The following SYNE2 variants were observed in gnomAD, a reference collection of about 807,000 sequenced individuals.
SYNE2 encodes nesprin-2.
A neutral mutation model predicts 856.3 loss-of-function variants in SYNE2; 431 were observed. The ratio of observed to expected loss-of-function variants is 0.50; its 90% CI spans 0.47 to 0.55. The LOEUF (loss-of-function observed/expected upper bound fraction) is 0.55. Ranked by LOEUF, SYNE2 falls within the 20% of genes least tolerant of loss-of-function variation. The pLI, the probability that SYNE2 is intolerant of heterozygous loss-of-function variation, is 0.00. For synonymous variants in SYNE2, 2,923 were observed against 2,872.3 expected (o/e 1.02, Z -0.56); for missense variants, 8,129 against 8,023.2 (o/e 1.01, Z -0.50).
At chr14:64,172,972 C>T (rs1156319527) in intron 94 of SYNE2, among the ~76,000 whole-genome samples, 1 of 151,782 alleles carries the variant, frequency 6.6e-6, no homozygotes. Context: ...TTTCAGTGAT[C>T]GCTGGAGGCA....
chr14:64,009,221 T>A (rs2096824204), intron 31 of SYNE2, among the ~76,000 whole-genome samples: 2 of 151,926 alleles, frequency 1.3e-5, no homozygotes, highest in East Asian at 3.9e-4. Context: ...AAAGACTAAA[T>A]CCAGAATGAA....
At chr14:64,174,856 A>G in intron 94 of SYNE2, 88 bp from the exon 95 acceptor site, 1 of 1,245,334 alleles carries the variant, frequency 8.0e-7, no homozygotes, top group Non-Finnish European at 1.2e-6. Context: ...TCTTAAGAAA[A>G]GCTCTGAAGG....
At chr14:63,784,566 C>A (rs1030360958) in intron 1 of SYNE2, among the ~76,000 whole-genome samples, 1 of 152,006 alleles carries the variant, frequency 6.6e-6, no homozygotes, top group African/African-American at 2.4e-5. Context: ...CTCTATGTTG[C>A]GCAGACTGGT....
rs1316312889 is a variant in SYNE2, at chr14:64,098,675, G to T, written c.12307-72G>T. ...AGTAAAAAATTAGCTACATAAAAAT[G>T]CAGCTGGACTGGGATCTTGGTGATG... is the stretch of plus-strand genomic sequence containing the variant. On this transcript the variant is annotated intron_variant, in intron 62 of 115. Coordinates refer to ENST00000555002, the MANE Select transcript of SYNE2 (RefSeq NM_182914.3). 2.0e-6 allele frequency: 3 copies of T among 1,510,724 alleles called. No homozygotes were observed. The Admixed American group carries it at 5.3e-5, about 27-fold the overall frequency. 93.6% of individuals were successfully genotyped at this position (1,510,724 alleles called of 1,614,324 possible).
chr14:64,006,962 T>C, intron 30 of SYNE2, 81 bp from the exon 31 acceptor site: 1 of 1,107,074 alleles, frequency 9.0e-7, no homozygotes, highest in Admixed American at 1.7e-5. Flanking sequence ...AAAGTTAGTG[T>C]GCCTCCCCAA....
Position 64,226,188 on chromosome 14 carries a change from T to TAAACTTCGATTTTTTTTA in SYNE2, c.*665_*666insCTTCGATTTTTTTTAAAA, listed in dbSNP as rs2098717521. The TAAACTTCGATTTTTTTTA allele has an allele frequency of 6.6e-6, 1 of 152,568 alleles. No individual in the cohort carries two copies. The highest frequency in any genetic ancestry group is 1.5e-5 in the Non-Finnish European group (1 of 68,102). 9.5% of individuals were successfully genotyped at this position (152,568 alleles called of 1,614,324 possible). A position where few individuals can be genotyped will look rare whatever the true frequency, so the allele number is the denominator to read the frequency against. On this transcript the variant is annotated 3_prime_UTR_variant, in exon 116 of 116. Coordinates refer to ENST00000555002, the MANE Select transcript of SYNE2 (RefSeq NM_182914.3). ...AATAATGTAAACTTCGATTTTTTTT[T>TAAACTTCGATTTTTTTTA]AAAAAAATTAGATTTTAGCTGGAGC...
chr14:64,148,197 C>T (rs1385445302), intron 84 of SYNE2, among the ~76,000 whole-genome samples: 1 of 152,056 alleles, frequency 6.6e-6, no homozygotes. Flanking sequence ...TGCCTGTAGT[C>T]CCAGCTACTC....
intron 1 of SYNE2, among the ~76,000 whole-genome samples, chr14:63,903,403 TC>T (rs1158947511): frequency 6.6e-6 from 1 of 152,230 alleles, no homozygotes; most frequent in Non-Finnish European, 1.5e-5. Context: ...AACAGAAACT[TC>T]TTAGACATCC....
chr14:63,926,409 G>A (rs1202175333), intron 2 of SYNE2, among the ~76,000 whole-genome samples: 1 of 152,114 alleles, frequency 6.6e-6, no homozygotes, highest in Non-Finnish European at 1.5e-5. Context: ...TAGACTAAAC[G>A]TAGTCTATGC....
intron 102 of SYNE2, 172 bp downstream of exon 102, chr14:64,209,750 G>A (rs2140149018): frequency 3.5e-6 from 4 of 1,143,736 alleles, no homozygotes; most frequent in Non-Finnish European, 5.1e-6. Flanking sequence ...CATTGCTGAT[G>A]TACTCCAGCT....
At chr14:63,805,995 T>C (rs1322789948) in intron 1 of SYNE2, among the ~76,000 whole-genome samples, 1 of 152,206 alleles carries the variant, frequency 6.6e-6, no homozygotes, top group African/African-American at 2.4e-5. Context: ...CTAATGGCTC[T>C]GTCTAGGACT....
At chr14:64,199,695 G>A (rs1287777527) in intron 99 of SYNE2, among the ~76,000 whole-genome samples, 3 of 144,904 alleles carry the variant, frequency 2.1e-5, no homozygotes, top group African/African-American at 5.2e-5. Flanking sequence ...TCCAGCGTAG[G>A]CGATAGAGAC....
chr14:63,990,229 A>C (rs1177147249), intron 19 of SYNE2, among the ~76,000 whole-genome samples, 182 bp from the exon 20 acceptor site: 1 of 152,236 alleles, frequency 6.6e-6, no homozygotes, highest in Non-Finnish European at 1.5e-5. Context: ...AAACATGTTC[A>C]GAATCTGATT....
chr14:64,031,016 G>T lies in SYNE2; in HGVS notation c.6880G>T (p.Glu2294Ter). 1 of 1,611,120 alleles carries T rather than the reference G, an allele frequency of 6.2e-7. No individual in the cohort carries two copies. Among genetic ancestry groups the T allele is most frequent in the South Asian group, 1.1e-5 (1 of 90,848 alleles). The change falls in exon 45 of 116, where the codon GAA (glutamate) becomes TAA (stop). Residue 2294 changes from glutamate to a stop codon, truncating the protein, a stop_gained and splice_region_variant. Coordinates refer to ENST00000555002, the MANE Select transcript of SYNE2 (RefSeq NM_182914.3). LOFTEE classifies it high-confidence loss of function. ...AVEEKLQKLQ[E>*]LENRLSLQDG... ...ATAACAATCTTTTCTCCACTCGTAG[G>T]AACTAGAGAATAGACTCAGTTTACA...
chr14:63,974,464 C>G (rs2096512713), intron 11 of SYNE2, among the ~76,000 whole-genome samples: 1 of 152,154 alleles, frequency 6.6e-6, no homozygotes, highest in Admixed American at 6.6e-5. Flanking sequence ...AACTCAGCTC[C>G]TGTTAGGCCC....
chr14:64,014,253 G>A (rs2096870421), intron 32 of SYNE2, among the ~76,000 whole-genome samples: 2 of 152,160 alleles, frequency 1.3e-5, no homozygotes, highest in Admixed American at 6.5e-5. Context: ...ATGTGTCACA[G>A]TTTAACTATT....
chr14:63,908,322 T>G (rs2095433172), intron 1 of SYNE2, among the ~76,000 whole-genome samples: 1 of 152,202 alleles, frequency 6.6e-6, no homozygotes, highest in Non-Finnish European at 1.5e-5. Flanking sequence ...ACACCCCCAA[T>G]CTACTTTATA....
At chr14:63,952,660 A>AT (rs907965545) in intron 7 of SYNE2, among the ~76,000 whole-genome samples, 4 of 152,140 alleles carry the variant, frequency 2.6e-5, no homozygotes, top group East Asian at 1.9e-4. Flanking sequence ...ATGCATAAGA[A>AT]TTTTTTTTAA....
chr14:64,059,980 A>G (rs1389377748), intron 49 of SYNE2, among the ~76,000 whole-genome samples: 1 of 152,122 alleles, frequency 6.6e-6, no homozygotes, highest in East Asian at 1.9e-4. Context: ...ACTCATGTTC[A>G]CTAAAGGCTC....
Sources: allele counts gnomAD v4.1 joint callset (sites outside exome capture counted in the v4.1 genomes callset), GRCh38; gene constraint gnomAD v4.1.1; transcripts MANE v1.5; gene names NCBI Gene and HGNC (gene_info 2026-07-23, HGNC 2026-07-21).